The following BLNK variants were observed in gnomAD, a reference collection of about 807,000 sequenced individuals.
BLNK encodes the protein B cell linker, also known as B-cell linker protein.
Under a neutral mutation model 73.5 loss-of-function variants are expected in BLNK, and 29 were observed. The ratio of observed to expected loss-of-function variants is 0.39; its 90% CI spans 0.29 to 0.54. The LOEUF (loss-of-function observed/expected upper bound fraction) is 0.54. Ranked by LOEUF, BLNK falls within the 20% of genes least tolerant of loss-of-function variation. BLNK has a pLI of 0.61. For missense variants in BLNK, 460 were observed against 562.8 expected, an observed-to-expected ratio of 0.82 and a Z score of 1.85; for synonymous variants, 176 against 200.8, an observed-to-expected ratio of 0.88 and a Z score of 1.04.
intron 2 of BLNK, 74 bp downstream of exon 2, chr10:96,246,910 A>G (rs1843065577): frequency 1.8e-6 from 2 of 1,137,358 alleles, no homozygotes; most frequent in Non-Finnish European, 2.6e-6. Context: ...GGTAACAGAG[A>G]AATTTGTTTT....
chr10:96,189,278 T>G lies in BLNK; in HGVS notation c.*2695A>C. 4.7e-6 allele frequency: 2 copies of G among 427,070 alleles called. No homozygotes were observed. The highest frequency in any genetic ancestry group is 5.1e-5 in the East Asian group (1 of 19,766). 26.5% of individuals were successfully genotyped at this position (427,070 alleles called of 1,614,324 possible). A position where few individuals can be genotyped will look rare whatever the true frequency, so the allele number is the denominator to read the frequency against. ...CAGTAGGGAAAGTTCTCACTCTGCA[T>G]TATAGAAAGGACAGCCAGATATTGA... On this transcript the variant is annotated 3_prime_UTR_variant, in exon 17 of 17. Coordinates refer to ENST00000224337, the MANE Select transcript of BLNK (RefSeq NM_013314.4).
rs201683834 is a variant in BLNK, at chr10:96,227,478, G to C, written c.293C>G (p.Pro98Arg). 3 of 1,614,228 alleles carry C rather than the reference G, an allele frequency of 1.9e-6. No individual in the cohort carries two copies. Among genetic ancestry groups the C allele is most frequent in the South Asian group, 2.2e-5 (2 of 91,086 alleles). The change falls in exon 5 of 17, where the codon CCG becomes CGG. Residue 98 changes from proline (P) to arginine (R), a missense_variant. Pro to Arg is a moderately radical substitution (Grantham distance 103, BLOSUM62 -2). Coordinates refer to ENST00000224337, the MANE Select transcript of BLNK (RefSeq NM_013314.4). ...AEENADDSYE[P>R]PPVEQETRPV... ...CCTGGTTTCCTGCTCTACTGGAGGC[G>C]GCTCGTAGCTGTCATCAGCGTTCTC...
intron 11 of BLNK, among the ~76,000 whole-genome samples, chr10:96,206,788 C>T (rs1205734596): frequency 6.6e-6 from 1 of 152,188 alleles, no homozygotes; most frequent in Non-Finnish European, 1.5e-5. Context: ...TATCTGTCTG[C>T]CAAAAGGCAG....
Position 96,227,456 on chromosome 10 carries a change from G to C in BLNK, c.315C>G (p.Thr105=), listed in dbSNP as rs782804653. ...SYEPPPVEQE[T]RPVHPALPFA... ...AGGGCAGGGCTGGGTGAACCGGCCT[G>C]GTTTCCTGCTCTACTGGAGGCGGCT... is the stretch of plus-strand genomic sequence containing the variant. The change falls in exon 5 of 17, where the codon ACC becomes ACG. Residue 105 remains threonine (T), a synonymous_variant. Transcript: ENST00000224337. 2 of 1,614,112 alleles carry C rather than the reference G, an allele frequency of 1.2e-6. No homozygotes were observed. Among genetic ancestry groups the C allele is most frequent in the Admixed American group, 3.3e-5 (2 of 60,012 alleles).
At chr10:96,266,249 C>T (rs1454795004) in intron 1 of BLNK, among the ~76,000 whole-genome samples, 1 of 152,152 alleles carries the variant, frequency 6.6e-6, no homozygotes, top group Non-Finnish European at 1.5e-5. Context: ...CAGCCCAGTT[C>T]TTTTCAATCC....
At chr10:96,240,108 A>T (rs1401750480) in intron 3 of BLNK, among the ~76,000 whole-genome samples, 1 of 152,172 alleles carries the variant, frequency 6.6e-6, no homozygotes, top group Non-Finnish European at 1.5e-5. Context: ...GCACTCTTCC[A>T]TCTTCCCTCA....
At chr10:96,204,447 C>T in intron 12 of BLNK, 85 bp downstream of exon 12, 2 of 1,381,068 alleles carry the variant, frequency 1.4e-6, no homozygotes, top group Non-Finnish European at 2.1e-6. Context: ...CACTGCAAGT[C>T]AGTGTCACTG....
rs1313837045 is a variant in BLNK, at chr10:96,223,974, T to C, written c.377A>G (p.Gln126Arg). Reference sequence around the variant, plus strand: ...CTTGCTGAAGGGTGGGGAATGCCTCTGGCTTGATCGATTGTCTTGAAAGGA... The same window carrying C: ...CTTGCTGAAGGGTGGGGAATGCCTCCGGCTTGATCGATTGTCTTGAAAGGA... ...RGEYIDNRSS[Q>R]RHSPPFSKTL... Residue 126 changes from glutamine (Q) to arginine (R), a missense_variant, in exon 6 of 17, where the codon CAG becomes CGG. Physicochemically the swap from Gln to Arg is conservative, Grantham distance 43. This residue lies in a region of BLNK where 139 missense variants were observed against 187.3 expected (regional missense o/e 0.74). Coordinates refer to ENST00000224337, the MANE Select transcript of BLNK (RefSeq NM_013314.4). The C allele has an allele frequency of 6.2e-7, 1 of 1,612,980 alleles. No individual in the cohort carries two copies. The highest frequency in any genetic ancestry group is 8.5e-7 in the Non-Finnish European group (1 of 1,180,018).
intron 5 of BLNK, among the ~76,000 whole-genome samples, chr10:96,225,442 G>A (rs1207625833): frequency 4.6e-5 from 7 of 152,092 alleles, no homozygotes; most frequent in Admixed American, 1.3e-4. Flanking sequence ...CTTCACCTCC[G>A]CTGCCTCCTC....
chr10:96,198,671 G>A (rs2083539331), intron 15 of BLNK, among the ~76,000 whole-genome samples: 1 of 152,050 alleles, frequency 6.6e-6, no homozygotes, highest in African/African-American at 2.4e-5. Flanking sequence ...CAACTACTAG[G>A]ATATGAAAAA....
At chr10:96,218,803 T>C (rs1554900408) in intron 6 of BLNK, among the ~76,000 whole-genome samples, 2 of 152,192 alleles carry the variant, frequency 1.3e-5, no homozygotes, top group Admixed American at 6.5e-5. Context: ...TTCTGTCTTA[T>C]CTATCCTCTC....
In BLNK at chr10:96,271,550, C is replaced by T; in HGVS notation, c.-152G>A. On this transcript the variant is annotated 5_prime_UTR_variant, in exon 1 of 17. The change creates a new upstream start codon in the 5' untranslated region. Transcript: ENST00000224337. ...TGAGAGTGCAGGCTGCTGGCAAACACCCCTGCTCTAGGGAGAAGTAAAACT... is the reference window on the plus strand; with the variant it reads ...TGAGAGTGCAGGCTGCTGGCAAACATCCCTGCTCTAGGGAGAAGTAAAACT... 5.2e-6 allele frequency: 4 copies of T among 762,430 alleles called. No individual in the cohort carries two copies. Among genetic ancestry groups the T allele is most frequent in the South Asian group, 2.9e-5 (2 of 69,542 alleles). 47.2% of individuals were successfully genotyped at this position (762,430 alleles called of 1,614,324 possible). A position where few individuals can be genotyped will look rare whatever the true frequency, so the allele number is the denominator to read the frequency against.
At chr10:96,252,928 C>T (rs782738798) in intron 1 of BLNK, among the ~76,000 whole-genome samples, 2 of 152,166 alleles carry the variant, frequency 1.3e-5, no homozygotes, top group Non-Finnish European at 2.9e-5. Flanking sequence ...TGCTGTCACT[C>T]ATCCTGCAAA....
chr10:96,217,763 C>G (rs1411736421), intron 6 of BLNK, among the ~76,000 whole-genome samples: 1 of 152,072 alleles, frequency 6.6e-6, no homozygotes, highest in Non-Finnish European at 1.5e-5. Context: ...TACTTTTTTA[C>G]TTTCTTATTG....
intron 3 of BLNK, among the ~76,000 whole-genome samples, chr10:96,232,837 C>G (rs1297717774): frequency 7.7e-5 from 11 of 142,618 alleles, no homozygotes; most frequent in Non-Finnish European, 1.2e-4. Flanking sequence ...TTTTTTGAGA[C>G]AGAGTCTCAC....
rs199972666 is a variant in BLNK at position 96,204,657 on chromosome 10, G to A, written c.818-41C>T. The A allele has an allele frequency of 3.3e-5, 52 of 1,596,260 alleles. No individual in the cohort carries two copies. In the African/African-American group the frequency reaches 6.3e-4, roughly 19 times the overall value. On this transcript the variant is annotated intron_variant, in intron 11 of 16. Coordinates refer to ENST00000224337, the MANE Select transcript of BLNK (RefSeq NM_013314.4). The stretch of plus-strand genomic sequence containing the variant: ...TATCATATTAGGATTAGAGTGAAAT[G>A]TCTGTCCTCATCCCAAAACCCAGCA...
intron 3 of BLNK, among the ~76,000 whole-genome samples, 163 bp from the exon 4 acceptor site, chr10:96,230,997 T>C (rs2134044413): frequency 6.6e-6 from 1 of 152,348 alleles, no homozygotes; most frequent in South Asian, 2.1e-4. Flanking sequence ...TCACTTGCTT[T>C]TGACTTTTTA....
intron 16 of BLNK, among the ~76,000 whole-genome samples, chr10:96,193,337 C>T (rs1258235467): frequency 6.6e-6 from 1 of 152,172 alleles, no homozygotes; most frequent in Non-Finnish European, 1.5e-5. Flanking sequence ...CGAAATAGCA[C>T]AATCTCTTTG....
At chr10:96,242,349 A>G (rs1027347767) in intron 3 of BLNK, among the ~76,000 whole-genome samples, 2 of 152,218 alleles carry the variant, frequency 1.3e-5, no homozygotes, top group African/African-American at 4.8e-5. Flanking sequence ...TTTTCTTTAT[A>G]AATTACCCAG....
Sources: gnomAD v4.1 joint callset for allele counts (sites outside exome capture counted in the v4.1 genomes callset) on GRCh38, gnomAD v4.1.1 for gene constraint, gnomAD v4.1.1 regional missense constraint, MANE v1.5 for transcripts, NCBI Gene and HGNC (gene_info 2026-07-23, HGNC 2026-07-21) for gene names.